TBC1D22B: variants seen among roughly 807,000 people sequenced by gnomAD.
TBC1D22B encodes the protein TBC1 domain family member 22B.
A neutral mutation model predicts 69.1 loss-of-function variants in TBC1D22B; 32 were observed. That is an observed-to-expected ratio of 0.46 (90% CI 0.35 to 0.62). The LOEUF (loss-of-function observed/expected upper bound fraction) is 0.62. TBC1D22B is among the 20% of genes least tolerant of loss of function. The pLI is 0.00. For missense variants in TBC1D22B, 462 were observed against 630.9 expected, an observed-to-expected ratio of 0.73 and a Z score of 2.87; for synonymous variants, 206 against 229.8, an observed-to-expected ratio of 0.90 and a Z score of 0.94.
Position 37,283,082 on chromosome 6 carries a change from G to A in TBC1D22B, c.672+130G>A, listed in dbSNP as rs145147075. ...TCCTACTGGATATGACAGAACTATG[G>A]GACTATAGTCCTATTTCTGTGCATA... is the stretch of plus-strand genomic sequence containing the variant. On this transcript the variant is annotated intron_variant, in intron 5 of 12. Transcript: ENST00000373491. The A allele has an allele frequency of 5.2e-5, 37 of 705,198 alleles. No homozygotes were observed. In the East Asian group the frequency reaches 1.0e-3, roughly 19 times the overall value. The allele number at this position is 705,198 out of a possible 1,614,324, so 43.7% of individuals were successfully genotyped here.
intron 3 of TBC1D22B, among the ~76,000 whole-genome samples, 196 bp downstream of exon 3, chr6:37,279,807 G>A (rs1766771374): frequency 6.6e-6 from 1 of 152,234 alleles, no homozygotes; most frequent in Admixed American, 6.5e-5. Flanking sequence ...TGGCTGCCCA[G>A]TCTGGTGACC....
intron 8 of TBC1D22B, among the ~76,000 whole-genome samples, chr6:37,294,833 A>G (rs1581602905): frequency 2.0e-5 from 3 of 152,200 alleles, no homozygotes; most frequent in African/African-American, 7.2e-5. Context: ...GTACAAGGAG[A>G]TTAATGTTTT....
chr6:37,258,031 T>G, intron 1 of TBC1D22B, 58 bp downstream of exon 1: 1 of 1,576,000 alleles, frequency 6.3e-7, no homozygotes, highest in Non-Finnish European at 8.6e-7. Flanking sequence ...CAGATCCTAA[T>G]CCCTGAATCC....
intron 2 of TBC1D22B, 75 bp from the exon 3 acceptor site, chr6:37,279,229 A>G (rs1333015748): frequency 7.4e-7 from 1 of 1,354,612 alleles, no homozygotes; most frequent in Non-Finnish European, 1.0e-6. Flanking sequence ...ATTTATTAAT[A>G]TTACAATAAT....
At chr6:37,283,318 T>C (rs1261830436) in intron 5 of TBC1D22B, among the ~76,000 whole-genome samples, 2 of 152,220 alleles carry the variant, frequency 1.3e-5, no homozygotes, top group Admixed American at 1.3e-4. Flanking sequence ...CTTTGATCTG[T>C]GAAGAGTTGA....
At chr6:37,273,452 G>T (rs1406937800) in intron 2 of TBC1D22B, among the ~76,000 whole-genome samples, 8 of 152,178 alleles carry the variant, frequency 5.3e-5, no homozygotes. Context: ...ACCATACCTT[G>T]TCTGCACCTA....
intron 2 of TBC1D22B, 93 bp downstream of exon 2, chr6:37,269,743 T>C (rs1193253416): frequency 8.3e-7 from 1 of 1,208,826 alleles, no homozygotes; most frequent in East Asian, 2.4e-5. Context: ...CCTTGACATT[T>C]TTTAGCGTCT....
intron 8 of TBC1D22B, among the ~76,000 whole-genome samples, chr6:37,310,032 AATT>A (rs1767853749): frequency 6.8e-6 from 1 of 147,042 alleles, no homozygotes; most frequent in African/African-American, 2.5e-5. Context: ...TAAAATATAA[AATT>A]ATATTTACAT....
intron 12 of TBC1D22B, among the ~76,000 whole-genome samples, chr6:37,318,616 C>T (rs1346395201): frequency 6.6e-6 from 1 of 152,148 alleles, no homozygotes; most frequent in Non-Finnish European, 1.5e-5. Context: ...CCTTGACACA[C>T]TCTTATATGA....
intron 8 of TBC1D22B, among the ~76,000 whole-genome samples, chr6:37,296,225 G>A (rs1767363239): frequency 6.6e-6 from 1 of 152,162 alleles, no homozygotes; most frequent in Admixed American, 6.5e-5. Context: ...TCGCACCACT[G>A]TACTCCTGCC....
intron 12 of TBC1D22B, among the ~76,000 whole-genome samples, chr6:37,326,085 A>G (rs1768394161): frequency 6.6e-6 from 1 of 152,092 alleles, no homozygotes; most frequent in African/African-American, 2.4e-5. Context: ...TCTCATCTCA[A>G]CAAAGAGTAT....
rs1044043969 is a variant in TBC1D22B, at chr6:37,279,868, C to G, written c.421+257C>G. Among the ~76,000 whole-genome samples, 21 of 152,370 alleles carry G rather than the reference C, an allele frequency of 1.4e-4. No homozygotes were observed. In the South Asian group the frequency reaches 4.3e-3, roughly 32 times the overall value. On this transcript the variant is annotated intron_variant, in intron 3 of 12. Transcript: ENST00000373491. The stretch of plus-strand genomic sequence containing the variant: ...GTGTTGTTTGCCATTCTCCTCTTCT[C>G]TTCTTCCTTTCCCTGTGGTGGAGTC...
chr6:37,272,313 C>A (rs1483977479), intron 2 of TBC1D22B, among the ~76,000 whole-genome samples: 1 of 151,724 alleles, frequency 6.6e-6, no homozygotes, highest in Non-Finnish European at 1.5e-5. Context: ...GATCTGCCTG[C>A]CTCGGCCTCC....
chr6:37,274,683 G>A (rs938185861), intron 2 of TBC1D22B, among the ~76,000 whole-genome samples: 7 of 152,238 alleles, frequency 4.6e-5, no homozygotes, highest in African/African-American at 1.7e-4. Context: ...TTATCGTACA[G>A]TTGTAAGGAG....
chr6:37,263,244 G>A (rs1006256136), intron 1 of TBC1D22B, among the ~76,000 whole-genome samples: 1 of 152,204 alleles, frequency 6.6e-6, no homozygotes, highest in African/African-American at 2.4e-5. Flanking sequence ...GCTTCCCCTG[G>A]AGAAGATGCT....
chr6:37,298,736 G>T (rs970384941), intron 8 of TBC1D22B, among the ~76,000 whole-genome samples: 1 of 151,862 alleles, frequency 6.6e-6, no homozygotes, highest in Non-Finnish European at 1.5e-5. Context: ...TAGGAAAGAC[G>T]GGGTTTCACC....
Position 37,267,470 on chromosome 6 carries a change from A to ACACACATATATAAT in TBC1D22B, c.57-2124_57-2123insCACACATATATAAT, listed in dbSNP as rs1766333224. On this transcript the variant is annotated intron_variant, in intron 1 of 12. Coordinates refer to ENST00000373491, the MANE Select transcript of TBC1D22B (RefSeq NM_017772.4). ...ATAATATATATATACACATATATAT[A>ACACACATATATAAT]ATATATATACACTATATATAATATA... 2.3e-5 allele frequency among the ~76,000 whole-genome samples: 2 copies of ACACACATATATAAT among 86,514 alleles called. 1 individual carries two copies. The highest frequency in any genetic ancestry group is 9.3e-5 in the African/African-American group (2 of 21,578). The allele number at this position is 86,514 out of a possible 152,430, so 56.8% of individuals were successfully genotyped here.
intron 3 of TBC1D22B, among the ~76,000 whole-genome samples, chr6:37,280,336 A>C (rs1429694616): frequency 6.6e-6 from 1 of 152,242 alleles, no homozygotes; most frequent in African/African-American, 2.4e-5. Context: ...TTGTCATCGC[A>C]GTGAGAGTTA....
chr6:37,324,149 A>G, intron 12 of TBC1D22B: 1 of 368,244 alleles, frequency 2.7e-6, no homozygotes, highest in Non-Finnish European at 5.5e-6. Context: ...ATACATTTGC[A>G]AAGAAAGTTC....
Sources: gnomAD v4.1 joint callset for allele counts (sites outside exome capture counted in the v4.1 genomes callset) on GRCh38, gnomAD v4.1.1 for gene constraint, MANE v1.5 for transcripts, NCBI Gene and HGNC (gene_info 2026-07-23, HGNC 2026-07-21) for gene names.